Variants in LRRC37A2 observed in about 807,000 individuals in gnomAD.
LRRC37A2 encodes the protein leucine-rich repeat-containing protein 37A2.
LRRC37A2 carries 9 observed loss-of-function variants against 68.8 expected under a neutral mutation model. The ratio of observed to expected loss-of-function variants is 0.13; its 90% CI spans 0.08 to 0.23. LRRC37A2 has a LOEUF of 0.23. LRRC37A2 is among the 10% of genes least tolerant of loss of function. The pLI, the probability that LRRC37A2 is intolerant of heterozygous loss-of-function variation, is 1.00. For synonymous variants in LRRC37A2, 63 were observed against 367.6 expected, an observed-to-expected ratio of 0.17 and a Z score of 9.48; for missense variants, 168 against 950.4, an observed-to-expected ratio of 0.18 and a Z score of 10.82.
At chr17:46,754,120 TA>T in the LRRC37A2 span, among the ~76,000 whole-genome samples, 2 of 150,634 alleles carry the variant, frequency 1.3e-5, no homozygotes, top group Admixed American at 6.6e-5. Context: ...GAACTGCAAG[TA>T]CCAACTACAA....
At chr17:46,869,543 C>G in the LRRC37A2 span, among the ~76,000 whole-genome samples, 2 of 152,342 alleles carry the variant, frequency 1.3e-5, no homozygotes, top group East Asian at 3.9e-4. Context: ...AAACCAGATG[C>G]CTGTTGAATG....
At chr17:47,048,183 T>A in the LRRC37A2 span, among the ~76,000 whole-genome samples, 1 of 150,232 alleles carries the variant, frequency 6.7e-6, no homozygotes, top group East Asian at 2.0e-4. Context: ...GTGCCAGGTC[T>A]TCTGGCCCCA....
chr17:46,970,535 CAAAAAAAAAAA>C, the LRRC37A2 span, among the ~76,000 whole-genome samples: 6 of 51,208 alleles, frequency 1.2e-4, no homozygotes, highest in Non-Finnish European at 1.5e-4. Context: ...GACTCCATCT[CAAAAAAAAAAA>C]AAAAAAAAAA....
chr17:46,853,857 G>C, the LRRC37A2 span, among the ~76,000 whole-genome samples: 1 of 152,168 alleles, frequency 6.6e-6, no homozygotes, highest in Non-Finnish European at 1.5e-5. Flanking sequence ...GAGATGAGAG[G>C]AGAGGGGTTC....
chr17:46,855,992 A>G, the LRRC37A2 span, among the ~76,000 whole-genome samples: 6 of 152,108 alleles, frequency 3.9e-5, no homozygotes, highest in African/African-American at 1.4e-4. Context: ...CCCGGCCCCC[A>G]GTCCAGTCTG....
the LRRC37A2 span, chr17:46,885,006 TAGACGAA>T: frequency 2.3e-6 from 1 of 438,828 alleles, no homozygotes; most frequent in Non-Finnish European, 4.5e-6. Flanking sequence ...CTTTTTTTTT[TAGACGAA>T]GTCTTGTTCT....
At chr17:46,722,629 G>A in the LRRC37A2 span, among the ~76,000 whole-genome samples, 1 of 152,206 alleles carries the variant, frequency 6.6e-6, no homozygotes. Context: ...CTGGGGCCTG[G>A]GCCAGAAAGG....
the LRRC37A2 span, among the ~76,000 whole-genome samples, chr17:46,972,838 A>G: frequency 6.6e-6 from 1 of 152,076 alleles, no homozygotes; most frequent in Non-Finnish European, 1.5e-5. Flanking sequence ...GCAGAGCCTG[A>G]GTTGCCTTCA....
the LRRC37A2 span, among the ~76,000 whole-genome samples, chr17:46,884,789 G>A: frequency 6.6e-6 from 1 of 152,196 alleles, no homozygotes; most frequent in Admixed American, 6.5e-5. Flanking sequence ...CCAGCTTTCA[G>A]ACCCAGTGAA....
chr17:46,872,749 G>A, the LRRC37A2 span: 101 of 1,611,042 alleles, frequency 6.3e-5, 2 homozygotes, highest in South Asian at 1.1e-3. Context: ...TAGCCTGGAG[G>A]GCAGGATGGG....
chr17:46,727,781 C>G, the LRRC37A2 span, among the ~76,000 whole-genome samples: 2 of 152,206 alleles, frequency 1.3e-5, no homozygotes, highest in African/African-American at 4.8e-5. Context: ...GCAACACTAC[C>G]ATGTCAGGAA....
chr17:46,736,607 G>A, the LRRC37A2 span, among the ~76,000 whole-genome samples: 1 of 151,916 alleles, frequency 6.6e-6, no homozygotes, highest in African/African-American at 2.4e-5. Flanking sequence ...ATGTTACTTT[G>A]ATAATCAGGA....
chr17:46,980,351 C>CT, the LRRC37A2 span, among the ~76,000 whole-genome samples: 184 of 45,032 alleles, frequency 4.1e-3, no homozygotes, highest in African/African-American at 9.8e-3. Flanking sequence ...CTCCTTCCTT[C>CT]CTTCTTCTTT....
the LRRC37A2 span, among the ~76,000 whole-genome samples, chr17:46,898,739 A>G: frequency 6.6e-6 from 1 of 152,210 alleles, no homozygotes; most frequent in Non-Finnish European, 1.5e-5. Flanking sequence ...TGCATATTTC[A>G]ACAGTAATAA....
chr17:46,957,258 T>G, the LRRC37A2 span, among the ~76,000 whole-genome samples: 1 of 151,872 alleles, frequency 6.6e-6, no homozygotes, highest in African/African-American at 2.4e-5. Context: ...TGAGCTGAGT[T>G]TACATCACTG....
the LRRC37A2 span, among the ~76,000 whole-genome samples, chr17:46,999,956 G>A: frequency 2.0e-5 from 3 of 146,922 alleles, no homozygotes; most frequent in Admixed American, 7.0e-5. Flanking sequence ...CTGAGATCAC[G>A]CCACTGCACT....
the LRRC37A2 span, among the ~76,000 whole-genome samples, chr17:46,730,612 A>G: frequency 6.6e-6 from 1 of 152,210 alleles, no homozygotes; most frequent in Non-Finnish European, 1.5e-5. Context: ...TAAATCTCAC[A>G]GCCAATGGCA....
At chr17:46,823,724 G>A in the LRRC37A2 span, among the ~76,000 whole-genome samples, 1 of 152,044 alleles carries the variant, frequency 6.6e-6, no homozygotes, top group Admixed American at 6.5e-5. Flanking sequence ...ACAGGTGCAA[G>A]CCACCATGCC....
At chr17:46,930,047 A>AT in the LRRC37A2 span, 515 of 124,088 alleles carry the variant, frequency 4.2e-3, 4 homozygotes, top group South Asian at 0.023. Context: ...GTTTTTTTTC[A>AT]TTTTTTTTTT....
Sources: gnomAD v4.1 joint callset for allele counts (sites outside exome capture counted in the v4.1 genomes callset) on GRCh38, gnomAD v4.1.1 for gene constraint, MANE v1.5 for transcripts, NCBI Gene and HGNC (gene_info 2026-07-23, HGNC 2026-07-21) for gene names.